Variants in VWA8 observed in about 807,000 individuals in gnomAD.
VWA8 encodes von Willebrand factor A domain containing 8, also known as von Willebrand factor A domain-containing protein 8.
A neutral mutation model predicts 241.5 loss-of-function variants in VWA8; 221 were observed. The ratio of observed to expected loss-of-function variants is 0.91; its 90% CI spans 0.82 to 1.02. VWA8 has a LOEUF of 1.02. Among genes scored for constraint, VWA8 ranks in the 50% least tolerant of loss-of-function variants. VWA8 has a pLI of 0.00. For missense variants in VWA8, 2,322 were observed against 2,328.7 expected (o/e 1.00, Z 0.06); for synonymous variants, 852 against 827.1 (o/e 1.03, Z -0.52).
At chr13:41,718,664 T>C (rs538585870) in intron 26 of VWA8, among the ~76,000 whole-genome samples, 1 of 151,710 alleles carries the variant, frequency 6.6e-6, no homozygotes, top group East Asian at 1.9e-4. Context: ...CTTCAAAGAA[T>C]CAATAAATAT....
chr13:41,725,078 T>C (rs552889109), intron 24 of VWA8, among the ~76,000 whole-genome samples: 1 of 152,052 alleles, frequency 6.6e-6, no homozygotes, highest in Admixed American at 6.6e-5. Context: ...ACTCTCTCCC[T>C]CTCAAGGGCA....
At chr13:41,692,201 G>T (rs2045182972) in intron 30 of VWA8, among the ~76,000 whole-genome samples, 1 of 151,804 alleles carries the variant, frequency 6.6e-6, no homozygotes, top group African/African-American at 2.4e-5. Flanking sequence ...GAAATAACAG[G>T]CTATCTGATG....
At chr13:41,799,873 C>T (rs970893670) in intron 17 of VWA8, among the ~76,000 whole-genome samples, 1 of 152,120 alleles carries the variant, frequency 6.6e-6, no homozygotes, top group Non-Finnish European at 1.5e-5. Flanking sequence ...TCACCACAAG[C>T]AATTTTAGAA....
chr13:41,745,090 T>C (rs950249514), intron 21 of VWA8, among the ~76,000 whole-genome samples: 1 of 152,116 alleles, frequency 6.6e-6, no homozygotes, highest in Admixed American at 6.6e-5. Flanking sequence ...CCACCCGCCT[T>C]GGCTTCCCAA....
At chr13:41,906,697 A>G (rs1375321626) in intron 4 of VWA8, among the ~76,000 whole-genome samples, 2 of 152,182 alleles carry the variant, frequency 1.3e-5, no homozygotes, top group Non-Finnish European at 2.9e-5. Flanking sequence ...AATATACTTG[A>G]CTAAAATTTC....
intron 38 of VWA8, among the ~76,000 whole-genome samples, chr13:41,612,303 C>T (rs1301250075): frequency 2.6e-5 from 4 of 152,156 alleles, no homozygotes; most frequent in Non-Finnish European, 5.9e-5. Flanking sequence ...ACTGGCTTAG[C>T]CAAGATTAGA....
chr13:41,753,490 T>G (rs781547573), intron 21 of VWA8, among the ~76,000 whole-genome samples: 3 of 152,128 alleles, frequency 2.0e-5, no homozygotes, highest in Non-Finnish European at 4.4e-5. Flanking sequence ...TAGATTCACT[T>G]CACAAATGGG....
chr13:41,861,514 T>G (rs947364198), intron 12 of VWA8, among the ~76,000 whole-genome samples: 1 of 152,174 alleles, frequency 6.6e-6, no homozygotes, highest in Non-Finnish European at 1.5e-5. Context: ...GCTATCTTTC[T>G]TCACAGATTA....
At chr13:41,675,619 G>A (rs1185142689) in intron 35 of VWA8, among the ~76,000 whole-genome samples, 5 of 151,998 alleles carry the variant, frequency 3.3e-5, no homozygotes, top group Admixed American at 3.3e-4. Flanking sequence ...TTCTTAGGAA[G>A]CAACAACAAT....
At chr13:41,740,753 C>A (rs2045563709) in intron 21 of VWA8, among the ~76,000 whole-genome samples, 1 of 152,138 alleles carries the variant, frequency 6.6e-6, no homozygotes, top group South Asian at 2.1e-4. Context: ...TCTCTCATCT[C>A]CTGGGAAATC....
intron 1 of VWA8, among the ~76,000 whole-genome samples, chr13:41,960,427 C>A (rs1008978353): frequency 6.6e-6 from 1 of 152,234 alleles, no homozygotes; most frequent in Admixed American, 6.5e-5. Flanking sequence ...CCGCCACAAG[C>A]CCTGGCTAGA....
chr13:41,761,512 T>C (rs1414659185), intron 20 of VWA8, among the ~76,000 whole-genome samples: 2 of 152,104 alleles, frequency 1.3e-5, no homozygotes, highest in African/African-American at 4.8e-5. Flanking sequence ...TCACAGCAGA[T>C]GCCTATAGTA....
chr13:41,624,722 G>T (rs2044678037), intron 37 of VWA8, among the ~76,000 whole-genome samples: 1 of 152,158 alleles, frequency 6.6e-6, no homozygotes, highest in Non-Finnish European at 1.5e-5. Flanking sequence ...ACATCATACT[G>T]AATGGGCAAA....
chr13:41,854,400 C>T (rs1470760221), intron 12 of VWA8, among the ~76,000 whole-genome samples: 2 of 151,754 alleles, frequency 1.3e-5, no homozygotes, highest in South Asian at 2.1e-4. Flanking sequence ...TCATAAAGTG[C>T]TTTAGAAGAG....
intron 14 of VWA8, among the ~76,000 whole-genome samples, chr13:41,824,220 C>CTG (rs1871084658): frequency 6.6e-6 from 1 of 152,134 alleles, no homozygotes; most frequent in South Asian, 2.1e-4. Context: ...GTTTGCTGTG[C>CTG]TGGTCCTGAG....
intron 21 of VWA8, among the ~76,000 whole-genome samples, chr13:41,758,391 T>TATAC (rs1480398387): frequency 3.9e-4 from 5 of 12,734 alleles, no homozygotes; most frequent in East Asian, 2.9e-3. Flanking sequence ...TATATATATA[T>TATAC]ACGCTAGTAT....
At position 41,689,402 on chromosome 13, in the gene VWA8, T is replaced by C; in HGVS notation, c.4083A>G (p.Ser1361=). 1.2e-6 allele frequency: 2 copies of C among 1,612,170 alleles called. No individual in the cohort carries two copies. The highest frequency in any genetic ancestry group is 1.7e-6 in the Non-Finnish European group (2 of 1,179,124). The change falls in exon 34 of 45, where the codon TCA becomes TCG. Residue 1361 remains serine, a synonymous_variant. Coordinates refer to ENST00000379310, the MANE Select transcript of VWA8 (RefSeq NM_015058.2). ...CTATTGTAGCATAATTTTTCTCATC[T>C]GAGAGAATTCTGTTGGGAGAGGCAA... ...QKIASPNRIL[S]DEKNYATIVV... is the part of the protein sequence containing the mutation.
At chr13:41,909,929 A>G (rs907040535) in intron 3 of VWA8, among the ~76,000 whole-genome samples, 1 of 152,128 alleles carries the variant, frequency 6.6e-6, no homozygotes. Context: ...CTTGCCCCAG[A>G]TTTTCTGCCT....
In VWA8 at chr13:41,783,801, G is replaced by C. The variant is rs1322344070; in HGVS notation, c.2271C>G (p.Asn757Lys). The change falls in exon 19 of 45, where the codon AAC becomes AAG. Residue 757 changes from asparagine to lysine, a missense_variant. By Grantham distance (94) the Asn-to-Lys change is moderately conservative (BLOSUM62 0). Transcript: ENST00000379310. ...CACAAAGCAATACTCTTACCTGAATGTTGTCATAGAAAAGAACATCAGGCA... is the reference window on the plus strand; with the variant it reads ...CACAAAGCAATACTCTTACCTGAATCTTGTCATAGAAAAGAACATCAGGCA... The part of the protein sequence containing the change: ...MKVPDVLFYD[N>K]IQHVIVMEDM... The C allele has an allele frequency of 6.2e-7, 1 of 1,611,032 alleles. No homozygotes were observed. The highest frequency in any genetic ancestry group is 1.3e-5 in the African/African-American group (1 of 74,896).
Sources: gnomAD v4.1 joint callset for allele counts (sites outside exome capture counted in the v4.1 genomes callset) on GRCh38, gnomAD v4.1.1 for gene constraint, MANE v1.5 for transcripts, NCBI Gene and HGNC (gene_info 2026-07-23, HGNC 2026-07-21) for gene names.